DSCAM: variants seen among roughly 807,000 people sequenced by gnomAD.
The protein encoded by DSCAM is cell adhesion molecule DSCAM.
DSCAM carries 47 observed loss-of-function variants against 217.7 expected under a neutral mutation model. The ratio of observed to expected loss-of-function variants is 0.22; its 90% confidence interval spans 0.17 to 0.28. The LOEUF is 0.28. Among genes scored for constraint, DSCAM ranks in the 10% least tolerant of loss-of-function variants. The pLI, the probability that DSCAM is intolerant of heterozygous loss-of-function variation, is 1.00. For synonymous variants in DSCAM, 1,056 were observed against 1,015.3 expected (o/e 1.04, Z -0.76); for missense variants, 2,080 against 2,618.3 (o/e 0.79, Z 4.49).
chr21:40,300,563 T>A (rs2074004122), intron 9 of DSCAM, among the ~76,000 whole-genome samples: 1 of 152,182 alleles, frequency 6.6e-6, no homozygotes. Context: ...TCTCAGGCCT[T>A]CTCAGAAGTC....
chr21:40,339,202 T>A lies in DSCAM; in HGVS notation c.1424A>T (p.Gln475Leu). The A allele has an allele frequency of 6.2e-7, 1 of 1,614,202 alleles. No individual in the cohort carries two copies. The highest frequency in any genetic ancestry group is 1.1e-5 in the South Asian group (1 of 91,080). ...VVSYLNISSS[Q>L]VRDGGVYRCT... ...GCGGTAGACTCCCCCGTCCCGGACC[T>A]GGGAGCTGGAGATGTTCAGGTAGCT... The change falls in exon 7 of 33, where the codon CAG (glutamine) becomes CTG (leucine). Residue 475 changes from glutamine (Q) to leucine (L), a missense_variant. By Grantham distance (113) the Gln-to-Leu change is moderately radical. Transcript: ENST00000400454.
intron 1 of DSCAM, among the ~76,000 whole-genome samples, chr21:40,797,806 C>G (rs2091704869): frequency 6.6e-6 from 1 of 152,078 alleles, no homozygotes; most frequent in Admixed American, 6.6e-5. Flanking sequence ...AGAAAGAAAT[C>G]ATTTTTTTCT....
intron 1 of DSCAM, among the ~76,000 whole-genome samples, chr21:40,730,958 C>G (rs1394368284): frequency 6.6e-6 from 1 of 152,132 alleles, no homozygotes; most frequent in African/African-American, 2.4e-5. Context: ...TACCTAAAGA[C>G]CTATTTTTAT....
At chr21:40,620,508 G>A (rs886138088) in intron 3 of DSCAM, among the ~76,000 whole-genome samples, 1 of 148,640 alleles carries the variant, frequency 6.7e-6, no homozygotes, top group Non-Finnish European at 1.5e-5. Context: ...GGAGGGAGGG[G>A]AGGAAGGCAA....
At chr21:40,687,534 C>T (rs2090493030) in intron 3 of DSCAM, among the ~76,000 whole-genome samples, 1 of 152,068 alleles carries the variant, frequency 6.6e-6, no homozygotes, top group African/African-American at 2.4e-5. Context: ...TCAGGTCCCC[C>T]CGACAGCTGT....
At chr21:40,720,904 C>G (rs2090894196) in intron 1 of DSCAM, among the ~76,000 whole-genome samples, 1 of 152,176 alleles carries the variant, frequency 6.6e-6, no homozygotes, top group Non-Finnish European at 1.5e-5. Flanking sequence ...GCGGAAGGAG[C>G]TTCCAGTTGA....
In DSCAM at chr21:40,208,123, T is replaced by C. The variant is rs188486256; in HGVS notation, c.2357-18885A>G. Among the ~76,000 whole-genome samples, 4 of 152,276 alleles carry C rather than the reference T, an allele frequency of 2.6e-5. No homozygotes were observed. The East Asian group carries it at 5.8e-4, about 22-fold the overall frequency. ...GGAATCCATGGAGTAATAGATTTAG[T>C]GTATGTTCCCATCAACAAATATTCC... On this transcript the variant is annotated intron_variant, in intron 11 of 32. Transcript: ENST00000400454.
rs1437755321 is a variant in DSCAM, at chr21:40,314,017, T to C, written c.1784-1658A>G. Among the ~76,000 whole-genome samples the C allele has an allele frequency of 2.6e-5, 4 of 152,228 alleles. No homozygotes were observed. In the East Asian group the frequency reaches 7.7e-4, roughly 29 times the overall value. ...ATTTGAATAGAAAACCATTCATTCA[T>C]TTATTTGTTCATTCAATCAAGTCAT... On this transcript the variant is annotated intron_variant, in intron 8 of 32. Transcript: ENST00000400454.
intron 3 of DSCAM, among the ~76,000 whole-genome samples, chr21:40,638,304 T>C (rs577775668): frequency 1.3e-5 from 2 of 152,202 alleles, no homozygotes; most frequent in Non-Finnish European, 2.9e-5. Flanking sequence ...GTAACATAAC[T>C]GCTAACAGAC....
chr21:40,560,548 T>C (rs2076712627), intron 3 of DSCAM, among the ~76,000 whole-genome samples: 1 of 152,212 alleles, frequency 6.6e-6, no homozygotes, highest in East Asian at 1.9e-4. Flanking sequence ...CGACTTACAG[T>C]GGGATTATGT....
intron 2 of DSCAM, among the ~76,000 whole-genome samples, chr21:40,703,336 C>T (rs560761912): frequency 9.2e-5 from 14 of 152,164 alleles, no homozygotes; most frequent in Middle Eastern, 6.8e-3. Flanking sequence ...GGCAACATAG[C>T]GAGATTCCAT....
intron 3 of DSCAM, among the ~76,000 whole-genome samples, chr21:40,662,043 T>C (rs905235810): frequency 2.0e-5 from 3 of 152,222 alleles, no homozygotes; most frequent in Non-Finnish European, 4.4e-5. Flanking sequence ...CCCAGCCTTG[T>C]GGCAGCCCGT....
intron 20 of DSCAM, among the ~76,000 whole-genome samples, chr21:40,117,459 T>G (rs760819165): frequency 5.3e-5 from 8 of 152,308 alleles, no homozygotes; most frequent in East Asian, 3.9e-4. Flanking sequence ...CATCTTCCTT[T>G]GCTAACCTGC....
intron 3 of DSCAM, among the ~76,000 whole-genome samples, chr21:40,617,422 C>T (rs1302073842): frequency 6.6e-6 from 1 of 152,162 alleles, no homozygotes; most frequent in Non-Finnish European, 1.5e-5. Context: ...CCGCGCCCGG[C>T]CCAGAATGAG....
At chr21:40,554,225 T>C (rs2076653332) in intron 3 of DSCAM, among the ~76,000 whole-genome samples, 1 of 151,080 alleles carries the variant, frequency 6.6e-6, no homozygotes, top group African/African-American at 2.4e-5. Flanking sequence ...ATGCGACAAA[T>C]TGTTGGATTA....
At chr21:40,138,248 T>G (rs1044753198) in intron 18 of DSCAM, among the ~76,000 whole-genome samples, 33 of 150,984 alleles carry the variant, frequency 2.2e-4, no homozygotes, top group African/African-American at 6.6e-4. Flanking sequence ...GTGTGGGGGG[T>G]GTGTGTGGTG....
At chr21:40,703,836 G>T (rs68033364) in intron 2 of DSCAM, among the ~76,000 whole-genome samples, 5,574 of 151,896 alleles carry the variant, frequency 0.037, 128 homozygotes, top group East Asian at 0.11. Context: ...TTCCCTTGGG[G>T]CTTAATTTGT....
In DSCAM at chr21:40,082,666, T is replaced by A. The variant is rs2089479261; in HGVS notation, c.4231+1242A>T. On this transcript the variant is annotated intron_variant, in intron 24 of 32. Coordinates refer to ENST00000400454, the MANE Select transcript of DSCAM (RefSeq NM_001389.5). ...CACAGACACATCCTCACCACGATTTTAAAAAAATCACCTCACTTTTTCTTT... is the reference window on the plus strand; with the variant it reads ...CACAGACACATCCTCACCACGATTTAAAAAAAATCACCTCACTTTTTCTTT... Among the ~76,000 whole-genome samples the A allele has an allele frequency of 2.0e-5, 3 of 147,998 alleles. No individual in the cohort carries two copies. The South Asian group carries it at 6.6e-4, about 32-fold the overall frequency.
At chr21:40,620,343 AAG>A (rs1196692110) in intron 3 of DSCAM, among the ~76,000 whole-genome samples, 7 of 134,906 alleles carry the variant, frequency 5.2e-5, no homozygotes, top group Admixed American at 2.2e-4. Flanking sequence ...AAAAGAAAGA[AAG>A]AGAAAGAGAG....
Sources: allele counts gnomAD v4.1 joint callset (sites outside exome capture counted in the v4.1 genomes callset), GRCh38; gene constraint gnomAD v4.1.1; transcripts MANE v1.5; gene names NCBI Gene and HGNC (gene_info 2026-07-23, HGNC 2026-07-21).